TMEM177: variants seen among roughly 807,000 people sequenced by gnomAD.
TMEM177 encodes the protein transmembrane protein 177.
Under a neutral mutation model 14.2 loss-of-function variants are expected in TMEM177, and 4 were observed. The observed-to-expected ratio is 0.28, with a 90% confidence interval of 0.14 to 0.64. TMEM177 has a LOEUF of 0.64. Among genes scored for constraint, TMEM177 ranks in the 30% least tolerant of loss-of-function variants. TMEM177 has a pLI of 0.82. For missense variants in TMEM177, 344 were observed against 405.2 expected (o/e 0.85, Z 1.30); for synonymous variants, 179 against 174.5 (o/e 1.03, Z -0.20).
downstream of TMEM177, chr2:119,682,126 GTTT>G (rs34879718): frequency 1.3e-4 from 18 of 142,028 alleles, no homozygotes; most frequent in Admixed American, 2.8e-4. Flanking sequence ...CTTCTTGGTC[GTTT>G]TTTTTTTTTT....
chr2:119,714,858 T>C, the TMEM177 span, among the ~76,000 whole-genome samples: 1 of 152,170 alleles, frequency 6.6e-6, no homozygotes, highest in Non-Finnish European at 1.5e-5. Context: ...ATCGTGAAAT[T>C]GGTACAGGCA....
the TMEM177 span, among the ~76,000 whole-genome samples, chr2:119,708,036 G>A: frequency 6.6e-6 from 1 of 152,168 alleles, no homozygotes; most frequent in African/African-American, 2.4e-5. Context: ...GCTCTCCAGC[G>A]ACAGCACTTT....
At chr2:119,705,282 G>A in the TMEM177 span, among the ~76,000 whole-genome samples, 7 of 152,240 alleles carry the variant, frequency 4.6e-5, no homozygotes, top group African/African-American at 7.2e-5. Context: ...CTGGGTCCTC[G>A]GCTCAGGGAC....
chr2:119,704,874 T>C, the TMEM177 span, among the ~76,000 whole-genome samples: 1 of 152,154 alleles, frequency 6.6e-6, no homozygotes, highest in Non-Finnish European at 1.5e-5. Context: ...ATTGATAGAG[T>C]CAACATATGG....
the TMEM177 span, among the ~76,000 whole-genome samples, chr2:119,714,160 CAG>C: frequency 6.6e-6 from 1 of 152,050 alleles, no homozygotes; most frequent in South Asian, 2.1e-4. Context: ...GACAGGGAGA[CAG>C]GGTGGCATTG....
At chr2:119,680,553 T>C (rs1688867780) in intron 1 of TMEM177, among the ~76,000 whole-genome samples, 1 of 152,214 alleles carries the variant, frequency 6.6e-6, no homozygotes, top group Non-Finnish European at 1.5e-5. Flanking sequence ...GAATATCTGC[T>C]GCTGTGCCAG....
chr2:119,723,556 A>C, the TMEM177 span, among the ~76,000 whole-genome samples: 9 of 152,348 alleles, frequency 5.9e-5, no homozygotes, highest in African/African-American at 2.2e-4. Flanking sequence ...ATCCAACGTG[A>C]GAAAAAGGCC....
At chr2:119,698,193 A>G in the TMEM177 span, among the ~76,000 whole-genome samples, 4 of 152,294 alleles carry the variant, frequency 2.6e-5, no homozygotes, top group Non-Finnish European at 5.9e-5. Flanking sequence ...TGGGTGTGGT[A>G]GCAACTTTTA....
chr2:119,686,768 A>T (rs144132457), downstream of TMEM177, among the ~76,000 whole-genome samples: 1 of 151,528 alleles, frequency 6.6e-6, no homozygotes, highest in Non-Finnish European at 1.5e-5. Flanking sequence ...GGGTTTTACT[A>T]TGTTACCCAG....
chr2:119,722,736 T>G, the TMEM177 span, among the ~76,000 whole-genome samples: 1 of 152,228 alleles, frequency 6.6e-6, no homozygotes, highest in East Asian at 1.9e-4. Flanking sequence ...TTTCACCCAG[T>G]CTCCTTTAGA....
At chr2:119,702,862 C>T in the TMEM177 span, among the ~76,000 whole-genome samples, 1 of 152,198 alleles carries the variant, frequency 6.6e-6, no homozygotes, top group Non-Finnish European at 1.5e-5. Flanking sequence ...TCCTCTATCC[C>T]AGGGATGTCA....
At chr2:119,703,719 AG>A in the TMEM177 span, among the ~76,000 whole-genome samples, 1 of 152,068 alleles carries the variant, frequency 6.6e-6, no homozygotes, top group Non-Finnish European at 1.5e-5. Flanking sequence ...TTCAGCCCAC[AG>A]GAGACACCAG....
downstream of TMEM177, among the ~76,000 whole-genome samples, chr2:119,689,060 C>A (rs183900590): frequency 6.6e-6 from 1 of 152,320 alleles, no homozygotes. Flanking sequence ...CCATCCTCCC[C>A]ACTCCTCCAC....
downstream of TMEM177, among the ~76,000 whole-genome samples, chr2:119,682,620 C>G (rs1488845606): frequency 1.3e-5 from 2 of 152,020 alleles, no homozygotes; most frequent in African/African-American, 4.8e-5. Context: ...GGGAGGTGTT[C>G]CAGAACTCCG....
chr2:119,695,144 A>G, the TMEM177 span, among the ~76,000 whole-genome samples: 5 of 152,232 alleles, frequency 3.3e-5, no homozygotes, highest in East Asian at 9.6e-4. Flanking sequence ...TGGGTAGGAA[A>G]GAGTCTCTCT....
the TMEM177 span, among the ~76,000 whole-genome samples, chr2:119,708,314 GA>G: frequency 3.5e-3 from 532 of 150,078 alleles, 2 homozygotes; most frequent in African/African-American, 0.012. Context: ...TATTTTTGTG[GA>G]AAAAAAAATC....
chr2:119,688,895 G>A (rs1008849805), downstream of TMEM177, among the ~76,000 whole-genome samples: 2 of 152,220 alleles, frequency 1.3e-5, no homozygotes, highest in Non-Finnish European at 2.9e-5. Flanking sequence ...GTCCACCCAT[G>A]CTTTGCCTCC....
chr2:119,685,626 T>C (rs759009945), downstream of TMEM177: 6 of 716,946 alleles, frequency 8.4e-6, no homozygotes, highest in Non-Finnish European at 1.6e-5. Flanking sequence ...TTGGGGCATG[T>C]GGTTGGTAAT....
chr2:119,684,607 G>C (rs1039374925), downstream of TMEM177, among the ~76,000 whole-genome samples: 1 of 152,178 alleles, frequency 6.6e-6, no homozygotes, highest in Non-Finnish European at 1.5e-5. Flanking sequence ...AGCTATAACA[G>C]ACACAGCCCC....
Sources: allele counts gnomAD v4.1 joint callset (sites outside exome capture counted in the v4.1 genomes callset), GRCh38; gene constraint gnomAD v4.1.1; transcripts MANE v1.5; gene names NCBI Gene and HGNC (gene_info 2026-07-23, HGNC 2026-07-21).